Variants in NSUN6 observed in about 807,000 individuals in gnomAD.
NSUN6 encodes the protein NOP2/Sun RNA methyltransferase 6.
A neutral mutation model predicts 58.0 loss-of-function variants in NSUN6; 64 were observed. The observed-to-expected ratio is 1.10, with a 90% CI of 0.90 to 1.36. The LOEUF (loss-of-function observed/expected upper bound fraction) is 1.36, where lower values mean the gene tolerates loss of function less well. Ranked by LOEUF, NSUN6 falls within the 40% of genes most tolerant of loss-of-function variation. The probability of loss-of-function intolerance (pLI) is 0.00; values close to 1 mark genes in which losing one functional copy is unlikely to be tolerated. For synonymous variants in NSUN6, 231 were observed against 193.9 expected, an observed-to-expected ratio of 1.19 and a Z score of -1.59; for missense variants, 701 against 550.1, an observed-to-expected ratio of 1.27 and a Z score of -2.74.
chr10:18,620,898 G>C (rs568596823), intron 3 of NSUN6, among the ~76,000 whole-genome samples: 15 of 152,182 alleles, frequency 9.9e-5, no homozygotes, highest in Non-Finnish European at 1.6e-4. Flanking sequence ...GAAATCTGTA[G>C]TGTTAGATTT....
At chr10:18,556,267 T>C (rs533827452) in intron 8 of NSUN6, among the ~76,000 whole-genome samples, 3 of 147,424 alleles carry the variant, frequency 2.0e-5, no homozygotes, top group African/African-American at 7.5e-5. Flanking sequence ...GAATGAAGAA[T>C]GGAATGGAAA....
At chr10:18,611,476 T>C (rs1030693551) in intron 5 of NSUN6, among the ~76,000 whole-genome samples, 3 of 152,134 alleles carry the variant, frequency 2.0e-5, no homozygotes, top group African/African-American at 7.2e-5. Flanking sequence ...TAGATACCCG[T>C]GGACTATTAC....
chr10:18,546,714 C>A (rs1446346846), intron 10 of NSUN6, among the ~76,000 whole-genome samples: 1 of 151,856 alleles, frequency 6.6e-6, no homozygotes, highest in Non-Finnish European at 1.5e-5. Context: ...CCTGTCTCTA[C>A]CAAAAATACA....
intron 8 of NSUN6, among the ~76,000 whole-genome samples, chr10:18,570,466 CA>C (rs2056282483): frequency 7.2e-6 from 1 of 138,118 alleles, no homozygotes; most frequent in Admixed American, 7.7e-5. Context: ...TTCCATTCTC[CA>C]ATCCATTTCG....
chr10:18,551,981 G>A lies in NSUN6; in HGVS notation c.923-10C>T, dbSNP rs1318864443. The A allele has an allele frequency of 1.9e-6, 3 of 1,561,514 alleles. No homozygotes were observed. The highest frequency in any genetic ancestry group is 2.3e-5 in the East Asian group (1 of 44,336). On this transcript the variant is annotated splice_polypyrimidine_tract_variant and intron_variant, in intron 8 of 10. Coordinates refer to ENST00000377304, the MANE Select transcript of NSUN6 (RefSeq NM_182543.5). ...AGAAATGGAGGTTCTCCTATAAAGA[G>A]AATTATAATCATGTTTACTATCTTC...
At chr10:18,606,163 G>T (rs2058040965) in intron 6 of NSUN6, among the ~76,000 whole-genome samples, 1 of 152,064 alleles carries the variant, frequency 6.6e-6, no homozygotes, top group African/African-American at 2.4e-5. Flanking sequence ...CCAAATCTGG[G>T]TCTGTATCAC....
intron 8 of NSUN6, among the ~76,000 whole-genome samples, chr10:18,554,236 T>G (rs1309339893): frequency 6.7e-5 from 10 of 148,610 alleles, no homozygotes; most frequent in Admixed American, 6.7e-4. Context: ...GACTGGAGAC[T>G]GGAAGGGAAT....
In NSUN6 at chr10:18,621,114, A is replaced by G. The variant is rs1254212095; in HGVS notation, c.312-4821T>C. Among the ~76,000 whole-genome samples the G allele has an allele frequency of 2.6e-5, 4 of 152,314 alleles. No individual in the cohort carries two copies. The East Asian group carries it at 7.7e-4, about 29-fold the overall frequency. On this transcript the variant is annotated intron_variant, in intron 3 of 10. Transcript: ENST00000377304. ...CTGTGCCTGAATTATTGAACAAACT[A>G]TGATTTATAGTAAATACCAGCTTTC...
intron 6 of NSUN6, among the ~76,000 whole-genome samples, chr10:18,596,534 C>T (rs550311114): frequency 6.6e-6 from 1 of 152,228 alleles, no homozygotes; most frequent in East Asian, 1.9e-4. Flanking sequence ...ACACAAACCA[C>T]CTGCGCAAAA....
chr10:18,619,464 T>C (rs371527308), intron 3 of NSUN6, among the ~76,000 whole-genome samples: 2 of 152,154 alleles, frequency 1.3e-5, no homozygotes, highest in East Asian at 1.9e-4. Context: ...CCAAAGACCC[T>C]AAATTTAGAA....
chr10:18,579,265 C>T (rs773700762), intron 8 of NSUN6, among the ~76,000 whole-genome samples: 1 of 152,042 alleles, frequency 6.6e-6, no homozygotes, highest in East Asian at 1.9e-4. Context: ...CTCTGCCTCC[C>T]GTTCATGCCA....
intron 8 of NSUN6, among the ~76,000 whole-genome samples, chr10:18,560,315 T>C (rs535324629): frequency 4.0e-5 from 6 of 150,494 alleles, no homozygotes; most frequent in African/African-American, 1.5e-4. Context: ...GAATGGATAA[T>C]GGAATGGAGA....
At chr10:18,602,815 T>C (rs777607515) in intron 6 of NSUN6, among the ~76,000 whole-genome samples, 3 of 152,160 alleles carry the variant, frequency 2.0e-5, no homozygotes, top group Non-Finnish European at 2.9e-5. Context: ...GGGATGCATT[T>C]TTCTCAGCAT....
At chr10:18,554,095 TGGAATGGACA>T (rs2054805052) in intron 8 of NSUN6, among the ~76,000 whole-genome samples, 1 of 148,912 alleles carries the variant, frequency 6.7e-6, no homozygotes, top group Non-Finnish European at 1.5e-5. Context: ...GAGACTGGAA[TGGAATGGACA>T]GGAATGGAGA....
At chr10:18,649,363 A>G (rs950195547) in intron 1 of NSUN6, among the ~76,000 whole-genome samples, 1 of 152,136 alleles carries the variant, frequency 6.6e-6, no homozygotes, top group Admixed American at 6.5e-5. Flanking sequence ...TTGTTAGCCT[A>G]CTCATGCACC....
chr10:18,650,438 A>G (rs1229672057), intron 1 of NSUN6, among the ~76,000 whole-genome samples: 1 of 152,212 alleles, frequency 6.6e-6, no homozygotes, highest in Non-Finnish European at 1.5e-5. Context: ...TAATATCCTA[A>G]AACAACCTGG....
intron 3 of NSUN6, among the ~76,000 whole-genome samples, chr10:18,636,561 C>T (rs11015259): frequency 0.17 from 25,389 of 151,812 alleles, 2,597 homozygotes; most frequent in East Asian, 0.33. Flanking sequence ...GAAAATTTAA[C>T]TCCAGGAACC....
chr10:18,643,006 G>T (rs897030896), intron 2 of NSUN6, among the ~76,000 whole-genome samples: 1 of 151,810 alleles, frequency 6.6e-6, no homozygotes, highest in Admixed American at 6.6e-5. Context: ...TAGAGGTTTG[G>T]GATTTTCAGT....
intron 8 of NSUN6, among the ~76,000 whole-genome samples, chr10:18,567,612 TATTCCATTCCATTCTCTATTCCATTCTCC>T (rs2056057735): frequency 6.7e-6 from 1 of 148,830 alleles, no homozygotes; most frequent in Non-Finnish European, 1.5e-5. Flanking sequence ...TTCCATTCTC[TATTCCATTCCATTCTCTATTCCATTCTCC>T]ATTCCATTCC....
Sources: gnomAD v4.1 joint callset for allele counts (sites outside exome capture counted in the v4.1 genomes callset) on GRCh38, gnomAD v4.1.1 for gene constraint, MANE v1.5 for transcripts, NCBI Gene and HGNC (gene_info 2026-07-23, HGNC 2026-07-21) for gene names.